The following HECTD4 variants were observed in gnomAD, a reference collection of about 807,000 sequenced individuals.
HECTD4 encodes HECT domain E3 ubiquitin protein ligase 4.
In HECTD4, 114 loss-of-function variants were observed where a neutral mutation model predicts 471.5. The observed-to-expected ratio is 0.24, with a 90% CI of 0.21 to 0.28. The LOEUF (loss-of-function observed/expected upper bound fraction) is 0.28. Among genes scored for constraint, HECTD4 ranks in the 10% least tolerant of loss-of-function variants. The pLI is 1.00. For synonymous variants in HECTD4, 2,012 were observed against 2,256.0 expected (o/e 0.89, Z 3.07); for missense variants, 3,866 against 5,651.5 (o/e 0.68, Z 10.13).
At chr12:112,322,891 G>A (rs2035613986) in intron 1 of HECTD4, 1 of 155,870 alleles carries the variant, frequency 6.4e-6, no homozygotes, top group South Asian at 2.0e-4. Context: ...TGATTTTACA[G>A]TCCATGCACC....
At chr12:112,220,875 G>A (rs763098914) in intron 44 of HECTD4, among the ~76,000 whole-genome samples, 1 of 152,164 alleles carries the variant, frequency 6.6e-6, no homozygotes, top group Non-Finnish European at 1.5e-5. Flanking sequence ...AGCACTTCGG[G>A]AGGCTGAGGC....
intron 11 of HECTD4, among the ~76,000 whole-genome samples, chr12:112,271,224 A>G (rs2034406232): frequency 6.6e-6 from 1 of 152,186 alleles, no homozygotes; most frequent in South Asian, 2.1e-4. Flanking sequence ...ACAGATACTA[A>G]TTACTGTGGT....
Position 112,247,977 on chromosome 12 carries a change from T to TACACACACACAC in HECTD4, c.4248+78_4248+89dup, listed in dbSNP as rs59881558. On this transcript the variant is annotated intron_variant, in intron 27 of 75. Transcript: ENST00000682272. Reference sequence around the variant, plus strand: ...TTTTAGGAAATGACATTATTTTACCTACACACACACACACACACACACACA... The same window carrying TACACACACACAC: ...TTTTAGGAAATGACATTATTTTACCTACACACACACACACACACACACACACACACACACACA... 21,839 of 676,488 alleles carry TACACACACACAC rather than the reference T, an allele frequency of 0.032. 1,189 individuals are homozygous for TACACACACACAC. In the East Asian group the frequency reaches 0.39, roughly 12 times the overall value. 41.9% of individuals were successfully genotyped at this position (676,488 alleles called of 1,614,324 possible). A position where few individuals can be genotyped will look rare whatever the true frequency, so the allele number is the denominator to read the frequency against.
In HECTD4 at chr12:112,231,518, A is replaced by T. The variant is rs1309636927; in HGVS notation, c.6195T>A (p.Leu2065=). Residue 2065 remains leucine (L), a synonymous_variant, in exon 39 of 76, where the codon CTT becomes CTA. Transcript: ENST00000682272. The part of the protein sequence containing the change: ...TSICRERNSE[L]ARTDPVRPFI... ...CCTACCTGTGGAAGGTTTACCTTGC[A>T]AGCTCCGAGTTCCTCTCTCGGCAAA... The T allele has an allele frequency of 6.2e-7, 1 of 1,613,990 alleles. No homozygotes were observed.
intron 1 of HECTD4, among the ~76,000 whole-genome samples, chr12:112,340,376 T>C (rs1785280093): frequency 6.6e-6 from 1 of 152,180 alleles, no homozygotes; most frequent in South Asian, 2.1e-4. Context: ...CTTGGGATGA[T>C]GCTGCAATCA....
At position 112,309,687 on chromosome 12, in the gene HECTD4, C is replaced by T. The variant is rs746408762; in HGVS notation, c.917-18G>A. The T allele has an allele frequency of 4.1e-6, 5 of 1,213,164 alleles. No individual in the cohort carries two copies. The highest frequency in any genetic ancestry group is 2.7e-5 in the South Asian group (2 of 72,964). 75.1% of individuals were successfully genotyped at this position (1,213,164 alleles called of 1,614,324 possible). ...GTCAGCATCTGAAATCGTTTTTTCA[C>T]AGGTAAATTATATATATGTTTTTTC... is the stretch of plus-strand genomic sequence containing the variant. On this transcript the variant is annotated intron_variant, in intron 4 of 75. Coordinates refer to ENST00000682272, the MANE Select transcript of HECTD4 (RefSeq NM_001388303.1).
At position 112,239,313 on chromosome 12, in the gene HECTD4, G is replaced by A. The variant is rs1370663196; in HGVS notation, c.5106-77C>T. ...GGAAACTCTCATGTGAGGTTCAAAG[G>A]GGCATAAAACATGCTGGTGCAGCTC... On this transcript the variant is annotated intron_variant, in intron 33 of 75. Transcript: ENST00000682272. This position sits in a 1 kb window ranked among gnomAD's most constrained non-coding sequence, Gnocchi z 4.9. 9.8e-6 allele frequency: 13 copies of A among 1,320,854 alleles called. No individual in the cohort carries two copies. Among genetic ancestry groups the A allele is most frequent in the Non-Finnish European group, 1.3e-5 (13 of 972,010 alleles). The allele number at this position is 1,320,854 out of a possible 1,614,324, so 81.8% of individuals were successfully genotyped here.
At chr12:112,298,956 C>T (rs2135671635) in intron 7 of HECTD4, among the ~76,000 whole-genome samples, 1 of 151,534 alleles carries the variant, frequency 6.6e-6, no homozygotes, top group South Asian at 2.1e-4. Context: ...ATATATTTCA[C>T]AGTGTTCCAT....
intron 14 of HECTD4, among the ~76,000 whole-genome samples, chr12:112,266,317 A>G (rs962116811): frequency 2.0e-5 from 3 of 152,200 alleles, no homozygotes; most frequent in African/African-American, 7.2e-5. Context: ...TGTGAAGATA[A>G]CTGGCTTAGA....
intron 62 of HECTD4, among the ~76,000 whole-genome samples, chr12:112,180,541 A>AT (rs2031629815): frequency 6.6e-6 from 1 of 151,616 alleles, no homozygotes; most frequent in African/African-American, 2.4e-5. Context: ...TAAAAAAAAA[A>AT]AAACAACAAC....
intron 17 of HECTD4, among the ~76,000 whole-genome samples, chr12:112,262,424 G>C (rs1338387039): frequency 7.1e-6 from 1 of 140,140 alleles, no homozygotes; most frequent in African/African-American, 2.7e-5. Flanking sequence ...GCTGAGGCAG[G>C]AGAATCGTTT....
chr12:112,235,256 T>A lies in HECTD4; in HGVS notation c.5736A>T (p.Thr1912=). 1 of 1,613,108 alleles carries A rather than the reference T, an allele frequency of 6.2e-7. No individual in the cohort carries two copies. The highest frequency in any genetic ancestry group is 1.1e-5 in the South Asian group (1 of 90,954). The change falls in exon 37 of 76, where the codon ACA becomes ACT. Residue 1912 remains threonine (T), a synonymous_variant. Coordinates refer to ENST00000682272, the MANE Select transcript of HECTD4 (RefSeq NM_001388303.1). This position sits in a 1 kb window ranked among gnomAD's most constrained non-coding sequence, Gnocchi z 5.0. The stretch of plus-strand genomic sequence containing the variant: ...GTTCAGAAGCGGTTGGAGAAAGAAC[T>A]GTCTGACATCCTTTAAGCAAAAAAC... ...LADYVVPGCQ[T]VLSPTASEPD...
intron 1 of HECTD4, among the ~76,000 whole-genome samples, chr12:112,348,716 C>A (rs2036199616): frequency 6.6e-6 from 1 of 152,014 alleles, no homozygotes; most frequent in Non-Finnish European, 1.5e-5. Context: ...CGCAGTCTAG[C>A]TAGCTTGAGC....
chr12:112,250,100 TTTTTTTCCCA>T (rs760349097), intron 25 of HECTD4, 34 bp downstream of exon 25: 1 of 1,431,350 alleles, frequency 7.0e-7, no homozygotes, highest in South Asian at 1.2e-5. Flanking sequence ...TGTTTAAACT[TTTTTTTCCCA>T]TTGGGAAAAG....
intron 23 of HECTD4, among the ~76,000 whole-genome samples, chr12:112,251,597 A>T (rs2033890253): frequency 6.6e-6 from 1 of 152,232 alleles, no homozygotes. Context: ...GAGATACATC[A>T]GAGAATGAAA....
chr12:112,282,900 T>C (rs1360530170), intron 8 of HECTD4, among the ~76,000 whole-genome samples: 1 of 152,212 alleles, frequency 6.6e-6, no homozygotes, highest in Non-Finnish European at 1.5e-5. Context: ...CATGGGGCTA[T>C]TTTGCATTCT....
chr12:112,219,520 A>G, intron 44 of HECTD4, 31 bp from the exon 45 acceptor site: 1 of 1,529,200 alleles, frequency 6.5e-7, no homozygotes, highest in Non-Finnish European at 9.0e-7. Context: ...ATCTGTGAAA[A>G]CAACTCCCGC....
chr12:112,199,019 T>G (rs563820763), intron 55 of HECTD4, among the ~76,000 whole-genome samples: 12 of 152,158 alleles, frequency 7.9e-5, no homozygotes, highest in Admixed American at 3.3e-4. Context: ...CTGGAAGCCA[T>G]GCCTGTGGAG....
At chr12:112,276,466 A>T (rs1475074735) in intron 9 of HECTD4, among the ~76,000 whole-genome samples, 1 of 152,196 alleles carries the variant, frequency 6.6e-6, no homozygotes. Context: ...TTATTTATTT[A>T]GAGACAGAAT....
Sources: allele counts gnomAD v4.1 joint callset (sites outside exome capture counted in the v4.1 genomes callset), GRCh38; gene constraint gnomAD v4.1.1; non-coding constraint Gnocchi (gnomAD v3.1); transcripts MANE v1.5; gene names NCBI Gene and HGNC (gene_info 2026-07-23, HGNC 2026-07-21).